The following CAGE1 variants were observed in gnomAD, a reference collection of about 807,000 sequenced individuals.
The protein encoded by CAGE1 is cancer-associated gene 1 protein.
A neutral mutation model predicts 94.9 loss-of-function variants in CAGE1; 66 were observed. The ratio of observed to expected loss-of-function variants is 0.70; its 90% CI spans 0.57 to 0.85. The LOEUF is 0.85. Ranked by LOEUF, CAGE1 falls within the 40% of genes least tolerant of loss-of-function variation. CAGE1 has a pLI of 0.00. For missense variants in CAGE1, 865 were observed against 950.4 expected, an observed-to-expected ratio of 0.91 and a Z score of 1.18; for synonymous variants, 319 against 321.0, an observed-to-expected ratio of 0.99 and a Z score of 0.07.
rs763270651 is a variant in CAGE1 at position 7,370,042 on chromosome 6, A to G, written c.1770T>C (p.Asn590=). Residue 590 remains asparagine, a synonymous_variant, in exon 6 of 14, where the codon AAT becomes AAC. Coordinates refer to ENST00000502583, the MANE Select transcript of CAGE1 (RefSeq NM_001170692.2). ...CACAAGGTGAGCAATCCGGGAGCAG[A>G]TTAGAATGTGTCGTTTTTGTATCCT... is the stretch of plus-strand genomic sequence containing the variant. ...ITKDTKTTHS[N]LLPDCSPCEE... The G allele has an allele frequency of 6.2e-7, 1 of 1,607,506 alleles. No homozygotes were observed. The highest frequency in any genetic ancestry group is 1.1e-5 in the South Asian group (1 of 89,482).
At chr6:7,368,145 T>C (rs955380776) in intron 7 of CAGE1, among the ~76,000 whole-genome samples, 1 of 149,362 alleles carries the variant, frequency 6.7e-6, no homozygotes, top group Non-Finnish European at 1.5e-5. Context: ...CCCAGCTACT[T>C]GGGAGGCTGA....
Position 7,365,793 on chromosome 6 carries a change from A to G in CAGE1, c.2085+11T>C. 1 of 1,480,496 alleles carries G rather than the reference A, an allele frequency of 6.8e-7. No individual in the cohort carries two copies. The highest frequency in any genetic ancestry group is 9.2e-7 in the Non-Finnish European group (1 of 1,092,098). The allele number at this position is 1,480,496 out of a possible 1,614,324, so 91.7% of individuals were successfully genotyped here. On this transcript the variant is annotated intron_variant, in intron 8 of 13. Transcript: ENST00000502583. Reference sequence around the variant, plus strand: ...ATGTTAAAGATAGTACGTAGTAAATATTAAGCTCACCTTAATAGCATGATC... The same window carrying G: ...ATGTTAAAGATAGTACGTAGTAAATGTTAAGCTCACCTTAATAGCATGATC...
chr6:7,353,307 A>G (rs1759846963), intron 11 of CAGE1, among the ~76,000 whole-genome samples: 1 of 152,228 alleles, frequency 6.6e-6, no homozygotes, highest in Non-Finnish European at 1.5e-5. Flanking sequence ...ATCACTAATG[A>G]TCAGAGAAAT....
At chr6:7,385,663 T>C in intron 3 of CAGE1, 122 bp downstream of exon 3, 1 of 461,160 alleles carries the variant, frequency 2.2e-6, no homozygotes. Flanking sequence ...ATAAGATTTT[T>C]TTGTGGATTA....
At chr6:7,340,452 T>C (rs1478130577) in intron 11 of CAGE1, among the ~76,000 whole-genome samples, 2 of 152,164 alleles carry the variant, frequency 1.3e-5, no homozygotes, top group Admixed American at 6.6e-5. Context: ...TAAGAGAACA[T>C]AGAATTTATT....
At position 7,389,390 on chromosome 6, in the gene CAGE1, C is replaced by A; in HGVS notation, c.-212G>T. 1 of 450,936 alleles carries A rather than the reference C, an allele frequency of 2.2e-6. No individual in the cohort carries two copies. 27.9% of individuals were successfully genotyped at this position (450,936 alleles called of 1,614,324 possible). A position where few individuals can be genotyped will look rare whatever the true frequency, so the allele number is the denominator to read the frequency against. The stretch of plus-strand genomic sequence containing the variant: ...GCTTTCCAACCTCCTCCACCAAGGA[C>A]TCTCACAAACTCGCAATCGGGCTCC... On this transcript the variant is annotated 5_prime_UTR_variant, in exon 1 of 14. Transcript: ENST00000502583.
chr6:7,347,505 G>GC (rs1390415959), intron 11 of CAGE1: 4 of 106,588 alleles, frequency 3.8e-5, no homozygotes, highest in African/African-American at 2.4e-4. Flanking sequence ...AGCGAGGGTG[G>GC]GGGGGGGGGT....
chr6:7,367,360 G>A (rs553349529), intron 7 of CAGE1, among the ~76,000 whole-genome samples: 4 of 141,890 alleles, frequency 2.8e-5, no homozygotes, highest in East Asian at 4.3e-4. Context: ...CCACAGCTTC[G>A]ACCTTTCTGG....
chr6:7,364,875 T>C (rs909378745), intron 9 of CAGE1, among the ~76,000 whole-genome samples: 5 of 152,236 alleles, frequency 3.3e-5, no homozygotes, highest in African/African-American at 1.2e-4. Context: ...GAATTTAGTA[T>C]AGAATGCTGC....
At position 7,387,194 on chromosome 6, in the gene CAGE1, C is replaced by T; in HGVS notation, c.-21G>A. The T allele has an allele frequency of 1.3e-6, 2 of 1,508,124 alleles. No individual in the cohort carries two copies. Among genetic ancestry groups the T allele is most frequent in the Non-Finnish European group, 1.8e-6 (2 of 1,124,512 alleles). The allele number at this position is 1,508,124 out of a possible 1,614,324, so 93.4% of individuals were successfully genotyped here. ...TTCATAACTGTTGAACAATAGAAGA[C>T]TTCTTTAAAAAAAAAATGTGTCTAT... On this transcript the variant is annotated splice_region_variant and 5_prime_UTR_variant, in exon 2 of 14. Coordinates refer to ENST00000502583, the MANE Select transcript of CAGE1 (RefSeq NM_001170692.2).
Position 7,373,194 on chromosome 6 carries a change from T to A in CAGE1, c.1625A>T (p.Asn542Ile). ...KLQQQINEVKNENAKLKQQVA... is the reference protein window; with the variant it reads ...KLQQQINEVKIENAKLKQQVA... ...CTGCTGTTTAAGTTTTGCATTCTCA[T>A]TTTTTACTTCGTTGATTTGCTGCTG... is the stretch of plus-strand genomic sequence containing the variant. Residue 542 changes from asparagine to isoleucine, a missense_variant, in exon 5 of 14, where the codon AAT becomes ATT. Asn to Ile is a moderately radical substitution (Grantham distance 149). Coordinates refer to ENST00000502583, the MANE Select transcript of CAGE1 (RefSeq NM_001170692.2). 1 of 1,613,602 alleles carries A rather than the reference T, an allele frequency of 6.2e-7. No individual in the cohort carries two copies.
intron 11 of CAGE1, among the ~76,000 whole-genome samples, chr6:7,345,651 G>C (rs74350583): frequency 6.6e-6 from 1 of 152,144 alleles, no homozygotes; most frequent in East Asian, 1.9e-4. Context: ...TTACAGGCCC[G>C]GCGCAGTGGC....
chr6:7,358,924 T>A (rs1760074334), intron 9 of CAGE1, among the ~76,000 whole-genome samples: 1 of 152,222 alleles, frequency 6.6e-6, no homozygotes, highest in African/African-American at 2.4e-5. Flanking sequence ...CAATTTTACA[T>A]CCCAACCAGC....
chr6:7,336,718 C>A (rs1187751931), intron 11 of CAGE1, among the ~76,000 whole-genome samples: 1 of 152,058 alleles, frequency 6.6e-6, no homozygotes, highest in Non-Finnish European at 1.5e-5. Flanking sequence ...CTGTATTAAC[C>A]AGTCTGGTCT....
At chr6:7,345,125 ATCCATATTGCTTTTAGGAGCTAGG>A (rs35362202) in intron 11 of CAGE1, among the ~76,000 whole-genome samples, 73,524 of 150,998 alleles carry the variant, frequency 0.49, 18,738 homozygotes, top group African/African-American at 0.63. Context: ...TGCTCTTTAG[ATCCATATTGCTTTTAGGAGCTAGG>A]TCCATATTGC....
chr6:7,355,737 C>G (rs758514149), intron 10 of CAGE1, among the ~76,000 whole-genome samples: 3 of 152,224 alleles, frequency 2.0e-5, no homozygotes, highest in Non-Finnish European at 2.9e-5. Flanking sequence ...AACAGTGTCT[C>G]AGGTCTGCAA....
Position 7,373,092 on chromosome 6 carries a change from A to G in CAGE1, c.1727T>C (p.Leu576Ser). Residue 576 changes from leucine (L) to serine (S), a missense_variant, in exon 5 of 14, where the codon TTG becomes TCG. By Grantham distance (145) the Leu-to-Ser change is moderately radical. Coordinates refer to ENST00000502583, the MANE Select transcript of CAGE1 (RefSeq NM_001170692.2). ...CAATACCTTGGTAATATCTGACTTC[A>G]AGACTTCCTCTAATTGATCCTTTAA... ...AQLKDQLEEV[L>S]KSDITKDTKT... 6.2e-7 allele frequency: 1 copy of G among 1,604,872 alleles called. No homozygotes were observed. Among genetic ancestry groups the G allele is most frequent in the African/African-American group, 1.3e-5 (1 of 74,506 alleles).
intron 6 of CAGE1, among the ~76,000 whole-genome samples, chr6:7,369,456 G>T (rs1009393527): frequency 6.6e-6 from 1 of 152,214 alleles, no homozygotes; most frequent in Non-Finnish European, 1.5e-5. Context: ...TGATAAGCCA[G>T]CATCTGAACT....
chr6:7,372,192 T>C (rs1223562696), intron 5 of CAGE1, among the ~76,000 whole-genome samples: 1 of 151,772 alleles, frequency 6.6e-6, no homozygotes, highest in African/African-American at 2.4e-5. Flanking sequence ...AACCCTGGGG[T>C]TGGGCGCAGT....
Sources: gnomAD v4.1 joint callset for allele counts (sites outside exome capture counted in the v4.1 genomes callset) on GRCh38, gnomAD v4.1.1 for gene constraint, MANE v1.5 for transcripts, NCBI Gene and HGNC (gene_info 2026-07-23, HGNC 2026-07-21) for gene names.